Variants in TTC17 observed in about 807,000 individuals in gnomAD.
The protein encoded by TTC17 is tetratricopeptide repeat protein 17.
In TTC17, 58 loss-of-function variants were observed where a neutral mutation model predicts 143.8. The ratio of observed to expected loss-of-function variants is 0.40; its 90% CI spans 0.33 to 0.50. The LOEUF is 0.50. Among genes scored for constraint, TTC17 ranks in the 20% least tolerant of loss-of-function variants. The probability of loss-of-function intolerance (pLI) is 0.49; values close to 1 mark genes in which losing one functional copy is unlikely to be tolerated. For missense variants in TTC17, 1,273 were observed against 1,392.5 expected, an observed-to-expected ratio of 0.91 and a Z score of 1.37; for synonymous variants, 501 against 497.8, an observed-to-expected ratio of 1.01 and a Z score of -0.09.
chr11:43,493,984 T>G lies in TTC17; in HGVS notation c.*80T>G, dbSNP rs1948516596. 2 of 1,476,900 alleles carry G rather than the reference T, an allele frequency of 1.4e-6. No homozygotes were observed. Among genetic ancestry groups the G allele is most frequent in the East Asian group, 4.6e-5 (2 of 43,580 alleles). The allele number at this position is 1,476,900 out of a possible 1,614,324, so 91.5% of individuals were successfully genotyped here. ...GAAAAGAAACCAATCATTGTCAGTATCTACTATTAATGATGTGTGTGAAAA... is the reference window on the plus strand; with the variant it reads ...GAAAAGAAACCAATCATTGTCAGTAGCTACTATTAATGATGTGTGTGAAAA... On this transcript the variant is annotated 3_prime_UTR_variant, in exon 24 of 24. Transcript: ENST00000039989.
rs543014638 is a variant in TTC17 at position 43,413,514 on chromosome 11, G to C, written c.2065-1076G>C. Among the ~76,000 whole-genome samples the C allele has an allele frequency of 2.0e-5, 3 of 152,076 alleles. 1 individual carries two copies. In the East Asian group the frequency reaches 5.8e-4, roughly 29 times the overall value. On this transcript the variant is annotated intron_variant, in intron 15 of 23. Transcript: ENST00000039989. ...AATTAAGAAATTCTGTTTATCAAAA[G>C]ATACTATTCAGAGAGTAAAAAAACA...
At chr11:43,395,791 G>A (rs550012283) in intron 5 of TTC17, among the ~76,000 whole-genome samples, 9 of 152,142 alleles carry the variant, frequency 5.9e-5, no homozygotes, top group Non-Finnish European at 1.0e-4. Context: ...ATTGGTCCTT[G>A]TGAAAGAGTC....
chr11:43,440,446 C>T (rs1947390699), intron 16 of TTC17, among the ~76,000 whole-genome samples: 1 of 152,336 alleles, frequency 6.6e-6, no homozygotes, highest in Non-Finnish European at 1.5e-5. Context: ...CAGTTTTTCA[C>T]ATTAGACTGA....
chr11:43,369,232 G>A (rs572050665), intron 1 of TTC17, among the ~76,000 whole-genome samples: 4 of 152,186 alleles, frequency 2.6e-5, no homozygotes, highest in Non-Finnish European at 5.9e-5. Flanking sequence ...CTCATTTGTG[G>A]TTCATGTTGA....
chr11:43,472,197 C>T (rs951312842), intron 21 of TTC17, among the ~76,000 whole-genome samples: 45 of 151,960 alleles, frequency 3.0e-4, no homozygotes, highest in African/African-American at 1.1e-3. Flanking sequence ...CTAAAAAAAG[C>T]AAACAAACCA....
intron 16 of TTC17, among the ~76,000 whole-genome samples, chr11:43,416,167 T>G (rs1297058696): frequency 2.6e-5 from 4 of 152,094 alleles, no homozygotes; most frequent in Non-Finnish European, 5.9e-5. Context: ...TGTGGTCTTT[T>G]TTTGTTTGTT....
intron 1 of TTC17, among the ~76,000 whole-genome samples, chr11:43,365,206 T>C (rs2134435178): frequency 6.6e-6 from 1 of 152,302 alleles, no homozygotes; most frequent in East Asian, 1.9e-4. Context: ...GCTCAAGTGA[T>C]CTTCCCACCA....
intron 1 of TTC17, among the ~76,000 whole-genome samples, chr11:43,376,349 T>C (rs1338724924): frequency 6.6e-6 from 1 of 152,186 alleles, no homozygotes; most frequent in African/African-American, 2.4e-5. Flanking sequence ...CTTGATCAGG[T>C]TTTCCCTGTA....
In TTC17 at chr11:43,403,994, C is replaced by G. The variant is rs370146114; in HGVS notation, c.1333-4C>G. 7 of 1,577,746 alleles carry G rather than the reference C, an allele frequency of 4.4e-6. No homozygotes were observed. Among genetic ancestry groups the G allele is most frequent in the South Asian group, 1.2e-5 (1 of 85,340 alleles). On this transcript the variant is annotated splice_region_variant and splice_polypyrimidine_tract_variant and intron_variant, in intron 10 of 23. Transcript: ENST00000039989. Reference sequence around the variant, plus strand: ...TTGATTGAACTTTTTGTTTCATTTTCTAGTTTGGTGAGGATTCATCAACCT... The same window carrying G: ...TTGATTGAACTTTTTGTTTCATTTTGTAGTTTGGTGAGGATTCATCAACCT...
chr11:43,405,318 C>G (rs1858067156), intron 11 of TTC17, among the ~76,000 whole-genome samples, 196 bp from the exon 12 acceptor site: 1 of 152,062 alleles, frequency 6.6e-6, no homozygotes, highest in Non-Finnish European at 1.5e-5. Context: ...CAACCCTGAA[C>G]CAGTCTGTGG....
At chr11:43,464,569 A>G (rs72900977) in intron 21 of TTC17, among the ~76,000 whole-genome samples, 11,128 of 152,244 alleles carry the variant, frequency 0.073, 577 homozygotes, top group Middle Eastern at 0.17. Flanking sequence ...TATATTACAG[A>G]TAAAGGGATT....
intron 21 of TTC17, among the ~76,000 whole-genome samples, chr11:43,484,462 CTAAA>C (rs547916001): frequency 2.6e-4 from 40 of 152,220 alleles, no homozygotes; most frequent in African/African-American, 9.4e-4. Flanking sequence ...TTTAAACAAT[CTAAA>C]TAAATAGATA....
intron 2 of TTC17, among the ~76,000 whole-genome samples, chr11:43,381,072 A>G (rs529950856): frequency 6.6e-6 from 1 of 152,306 alleles, no homozygotes; most frequent in Admixed American, 6.5e-5. Context: ...ATTGGAGGAT[A>G]TATAGGAAGA....
intron 23 of TTC17, among the ~76,000 whole-genome samples, chr11:43,492,828 C>T (rs765464255): frequency 6.6e-6 from 1 of 152,212 alleles, no homozygotes; most frequent in Non-Finnish European, 1.5e-5. Context: ...ACTGAAAATC[C>T]CAGGGGGACC....
chr11:43,471,663 T>C (rs1948095316), intron 21 of TTC17, among the ~76,000 whole-genome samples: 1 of 152,194 alleles, frequency 6.6e-6, no homozygotes, highest in Non-Finnish European at 1.5e-5. Flanking sequence ...CAACTTCCCA[T>C]GAGTATTCAC....
intron 15 of TTC17, among the ~76,000 whole-genome samples, chr11:43,412,133 A>G (rs1016785626): frequency 2.0e-5 from 3 of 152,236 alleles, no homozygotes; most frequent in African/African-American, 7.2e-5. Flanking sequence ...TATGAAAACA[A>G]AGTCTCAGCA....
In TTC17 at chr11:43,414,619, T is replaced by G; in HGVS notation, c.2094T>G (p.Ala698=). 3.1e-6 allele frequency: 5 copies of G among 1,610,202 alleles called. No homozygotes were observed. The highest frequency in any genetic ancestry group is 4.2e-6 in the Non-Finnish European group (5 of 1,178,502). ...EPLTFLSLGN[A]YLALKNISGA... ...TGACCTTTTTGAGCCTGGGAAATGC[T>G]TACCTTGCTCTGAAGAATATCAGTG... Residue 698 remains alanine, a synonymous_variant, in exon 16 of 24, where the codon GCT becomes GCG. Coordinates refer to ENST00000039989, the MANE Select transcript of TTC17 (RefSeq NM_018259.6).
intron 16 of TTC17, 72 bp from the exon 17 acceptor site, chr11:43,443,253 G>A: frequency 2.6e-6 from 4 of 1,557,234 alleles, no homozygotes; most frequent in Non-Finnish European, 3.5e-6. Context: ...TCCAAAAGCA[G>A]GGTTGGAGTC....
intron 1 of TTC17, among the ~76,000 whole-genome samples, chr11:43,377,307 GTAT>G (rs1856799105): frequency 1.3e-5 from 2 of 151,748 alleles, no homozygotes; most frequent in South Asian, 2.1e-4. Flanking sequence ...AAAAAATATA[GTAT>G]TATAATCTCA....
Sources: allele counts gnomAD v4.1 joint callset (sites outside exome capture counted in the v4.1 genomes callset), GRCh38; gene constraint gnomAD v4.1.1; transcripts MANE v1.5; gene names NCBI Gene and HGNC (gene_info 2026-07-23, HGNC 2026-07-21).